The following CCDC7 variants were observed in gnomAD, a reference collection of about 807,000 sequenced individuals.
CCDC7 encodes the protein coiled-coil domain containing 7.
In CCDC7, 183 loss-of-function variants were observed where a neutral mutation model predicts 196.9. That is an observed-to-expected ratio of 0.93 (90% CI 0.82 to 1.05). The LOEUF is 1.05. Among genes scored for constraint, CCDC7 ranks in the 50% least tolerant of loss-of-function variants. CCDC7 has a pLI of 0.00. For missense variants in CCDC7, 1,540 were observed against 1,482.2 expected (o/e 1.04, Z -0.64); for synonymous variants, 525 against 484.6 (o/e 1.08, Z -1.10).
chr10:32,536,559 A>G (rs1472955738), intron 11 of CCDC7, among the ~76,000 whole-genome samples: 5 of 152,190 alleles, frequency 3.3e-5, no homozygotes, highest in African/African-American at 1.2e-4. Flanking sequence ...GGTTTGTTAT[A>G]TAGGTAAACT....
At chr10:32,456,440 C>A in intron 3 of CCDC7, 106 bp downstream of exon 4, 1 of 878,184 alleles carries the variant, frequency 1.1e-6, no homozygotes. Context: ...GATTCAGTGT[C>A]TTAAGAAATT....
At chr10:32,856,825 A>G (rs2093772643) in intron 41 of CCDC7, among the ~76,000 whole-genome samples, 2 of 152,116 alleles carry the variant, frequency 1.3e-5, no homozygotes, top group South Asian at 4.2e-4. Context: ...ATGAGTCAGC[A>G]ACATGCCTGA....
chr10:32,811,370 C>T (rs2135341872), intron 30 of CCDC7, among the ~76,000 whole-genome samples: 1 of 152,132 alleles, frequency 6.6e-6, no homozygotes, highest in African/African-American at 2.4e-5. Context: ...TTATGAACAA[C>T]TATACGCTGA....
At chr10:32,625,744 C>T (rs1316650857) in intron 18 of CCDC7, among the ~76,000 whole-genome samples, 3 of 152,084 alleles carry the variant, frequency 2.0e-5, no homozygotes, top group Non-Finnish European at 4.4e-5. Context: ...CCACCTGCAG[C>T]CTGTGCAGCC....
intron 8 of CCDC7, among the ~76,000 whole-genome samples, chr10:32,487,228 C>T (rs1430972590): frequency 1.3e-5 from 2 of 152,232 alleles, no homozygotes; most frequent in African/African-American, 2.4e-5. Flanking sequence ...TACTTCATTT[C>T]GTTCATTTGA....
intron 32 of CCDC7, among the ~76,000 whole-genome samples, chr10:32,831,499 A>T (rs972669511): frequency 7.2e-5 from 11 of 152,146 alleles, no homozygotes; most frequent in Non-Finnish European, 1.5e-4. Context: ...TTGGACTCTT[A>T]TAATAACATT....
chr10:32,696,132 C>T (rs1432062402), intron 24 of CCDC7, among the ~76,000 whole-genome samples: 1 of 151,992 alleles, frequency 6.6e-6, no homozygotes, highest in African/African-American at 2.4e-5. Context: ...GCCTCAGGGA[C>T]TGGGGGTGAA....
chr10:32,629,242 A>G (rs1345798610), intron 18 of CCDC7, among the ~76,000 whole-genome samples: 1 of 152,148 alleles, frequency 6.6e-6, no homozygotes, highest in African/African-American at 2.4e-5. Flanking sequence ...CTTTATCATT[A>G]CATAGTATGC....
chr10:32,547,961 A>C (rs2052758713), intron 13 of CCDC7, among the ~76,000 whole-genome samples: 1 of 152,102 alleles, frequency 6.6e-6, no homozygotes, highest in South Asian at 2.1e-4. Context: ...CTTGCCCTCA[A>C]GTCCCCAAAG....
intron 18 of CCDC7, among the ~76,000 whole-genome samples, chr10:32,616,214 T>TA (rs2062751495): frequency 6.6e-6 from 1 of 152,104 alleles, no homozygotes; most frequent in South Asian, 2.1e-4. Flanking sequence ...GATAATTTGA[T>TA]AGAGGTTGTG....
intron 41 of CCDC7, among the ~76,000 whole-genome samples, chr10:32,865,422 C>T (rs908920765): frequency 3.3e-4 from 50 of 151,744 alleles, no homozygotes; most frequent in African/African-American, 1.2e-3. Context: ...CACACACACA[C>T]ACACACACAC....
At chr10:32,689,256 G>A in intron 23 of CCDC7, 93 bp downstream of exon 24, 2 of 765,844 alleles carry the variant, frequency 2.6e-6, no homozygotes, top group Non-Finnish European at 4.2e-6. Context: ...TTTACACTTT[G>A]ACTAAAATGT....
chr10:32,702,652 T>C lies in CCDC7; in HGVS notation c.2458+7660T>C, dbSNP rs535892507. Among the ~76,000 whole-genome samples the C allele has an allele frequency of 2.6e-3, 393 of 152,214 alleles. 3 individuals are homozygous for C. Among genetic ancestry groups the C allele is most frequent in the Admixed American group, 3.5e-3 (54 of 15,284 alleles). On this transcript the variant is annotated intron_variant, in intron 24 of 41. Coordinates refer to ENST00000639629, the Ensembl canonical transcript of CCDC7. The stretch of plus-strand genomic sequence containing the variant: ...GTCTCCCATTATTATTGTGTGGGAG[T>C]CTAAGTCTCTTTGTAGGTCTCTAAG...
intron 29 of CCDC7, among the ~76,000 whole-genome samples, chr10:32,782,483 C>T (rs1342271447): frequency 6.6e-6 from 1 of 152,174 alleles, no homozygotes; most frequent in Non-Finnish European, 1.5e-5. Flanking sequence ...CTGCCTTGGC[C>T]TCCCAAAGTG....
At chr10:32,603,012 T>C (rs905408046) in intron 18 of CCDC7, among the ~76,000 whole-genome samples, 9 of 152,208 alleles carry the variant, frequency 5.9e-5, no homozygotes, top group Admixed American at 3.3e-4. Context: ...ATTTTGTTAA[T>C]ATAGTCATCC....
At chr10:32,632,619 A>G (rs2065033821) in intron 18 of CCDC7, among the ~76,000 whole-genome samples, 1 of 151,968 alleles carries the variant, frequency 6.6e-6, no homozygotes, top group Non-Finnish European at 1.5e-5. Context: ...TGCATCCCAT[A>G]GTTTTCATGT....
intron 28 of CCDC7, among the ~76,000 whole-genome samples, chr10:32,759,047 G>C: frequency 6.6e-6 from 1 of 152,074 alleles, no homozygotes; most frequent in East Asian, 1.9e-4. Flanking sequence ...GGATGTGAAG[G>C]ACCTCTTCAA....
At chr10:32,703,881 C>A (rs2079208665) in intron 24 of CCDC7, among the ~76,000 whole-genome samples, 3 of 151,924 alleles carry the variant, frequency 2.0e-5, no homozygotes, top group Non-Finnish European at 4.4e-5. Context: ...CCTTTAAGGA[C>A]CTCTCTGCAT....
At chr10:32,518,550 G>C in intron 11 of CCDC7, 45 bp downstream of exon 12, 4 of 1,460,006 alleles carry the variant, frequency 2.7e-6, no homozygotes, top group Middle Eastern at 1.8e-4. Flanking sequence ...ACCTAATAAG[G>C]CTTATTATGT....
Sources: gnomAD v4.1 joint callset for allele counts (sites outside exome capture counted in the v4.1 genomes callset) on GRCh38, gnomAD v4.1.1 for gene constraint, MANE v1.5 for transcripts, NCBI Gene and HGNC (gene_info 2026-07-23, HGNC 2026-07-21) for gene names.